Variants in NFIB observed in about 807,000 individuals in gnomAD.
NFIB encodes nuclear factor 1 B-type.
A neutral mutation model predicts 61.5 loss-of-function variants in NFIB; 11 were observed. The observed-to-expected ratio is 0.18, with a 90% CI of 0.11 to 0.30. The LOEUF is 0.30. Among genes scored for constraint, NFIB ranks in the 10% least tolerant of loss-of-function variants. The pLI, the probability that NFIB is intolerant of heterozygous loss-of-function variation, is 1.00. For missense variants in NFIB, 471 were observed against 608.9 expected (o/e 0.77, Z 2.38); for synonymous variants, 260 against 216.5 (o/e 1.20, Z -1.76).
the NFIB span, among the ~76,000 whole-genome samples, chr9:14,518,483 T>C: frequency 6.6e-6 from 1 of 151,706 alleles, no homozygotes; most frequent in African/African-American, 2.4e-5. Flanking sequence ...CCAGCTGTCA[T>C]CATAATCTAG....
the NFIB span, among the ~76,000 whole-genome samples, chr9:14,521,291 T>C: frequency 6.6e-6 from 1 of 152,210 alleles, no homozygotes; most frequent in African/African-American, 2.4e-5. Context: ...AGGTCAAATC[T>C]CTTTGATTTG....
intron 1 of NFIB, among the ~76,000 whole-genome samples, chr9:14,352,603 G>C (rs143300661): frequency 0.022 from 3,298 of 152,328 alleles, 46 homozygotes; most frequent in Non-Finnish European, 0.034. Context: ...AATTGGACAA[G>C]CAAGTGTTTC....
chr9:14,494,192 A>G, the NFIB span, among the ~76,000 whole-genome samples: 1 of 152,220 alleles, frequency 6.6e-6, no homozygotes, highest in African/African-American at 2.4e-5. Flanking sequence ...GTTTAAATTC[A>G]GCAAAAACTA....
At chr9:14,102,753 G>A (rs2035965773) in intron 10 of NFIB, among the ~76,000 whole-genome samples, 1 of 152,088 alleles carries the variant, frequency 6.6e-6, no homozygotes, top group Admixed American at 6.5e-5. Context: ...AGAGAAACAA[G>A]TGCTTAGAAC....
intron 2 of NFIB, among the ~76,000 whole-genome samples, chr9:14,234,567 A>C (rs2053546327): frequency 6.6e-6 from 1 of 151,898 alleles, no homozygotes; most frequent in Admixed American, 6.6e-5. Flanking sequence ...ACAGGGTTTC[A>C]CCATATTGAC....
At chr9:14,415,730 T>C in the NFIB span, among the ~76,000 whole-genome samples, 1 of 152,206 alleles carries the variant, frequency 6.6e-6, no homozygotes, top group Non-Finnish European at 1.5e-5. Context: ...CCATATGGAC[T>C]GTGGAAATGG....
At chr9:14,428,247 A>G in the NFIB span, among the ~76,000 whole-genome samples, 1 of 152,070 alleles carries the variant, frequency 6.6e-6, no homozygotes, top group Non-Finnish European at 1.5e-5. Context: ...TGCCTGGCCT[A>G]GCTTTTTCTT....
chr9:14,140,523 G>A (rs1266229582), intron 6 of NFIB, among the ~76,000 whole-genome samples: 1 of 152,126 alleles, frequency 6.6e-6, no homozygotes, highest in Non-Finnish European at 1.5e-5. Flanking sequence ...TAAATATTCT[G>A]CATATTCATT....
intron 2 of NFIB, among the ~76,000 whole-genome samples, chr9:14,184,642 G>C (rs1439766445): frequency 6.6e-6 from 1 of 152,104 alleles, no homozygotes; most frequent in Non-Finnish European, 1.5e-5. Context: ...TAACTTTCTG[G>C]AGTAGATACA....
intron 2 of NFIB, among the ~76,000 whole-genome samples, chr9:14,285,702 C>G (rs1422934781): frequency 1.3e-5 from 2 of 152,126 alleles, no homozygotes; most frequent in African/African-American, 4.8e-5. Flanking sequence ...AGGAGTCAAA[C>G]AGGTGACTTT....
chr9:14,243,405 G>C (rs1050902866), intron 2 of NFIB, among the ~76,000 whole-genome samples: 4 of 152,160 alleles, frequency 2.6e-5, no homozygotes, highest in African/African-American at 7.2e-5. Flanking sequence ...GGATAAGTAA[G>C]AGAAATAAAT....
At chr9:14,487,516 G>C in the NFIB span, among the ~76,000 whole-genome samples, 2 of 152,206 alleles carry the variant, frequency 1.3e-5, no homozygotes, top group South Asian at 2.1e-4. Flanking sequence ...AATGGCCATA[G>C]TGTGGGATGC....
chr9:14,497,619 C>A, the NFIB span, among the ~76,000 whole-genome samples: 2 of 152,154 alleles, frequency 1.3e-5, no homozygotes, highest in Admixed American at 6.5e-5. Flanking sequence ...TCATAAGGAC[C>A]CATTGAGGGA....
chr9:14,212,623 T>G (rs1041542552), intron 2 of NFIB, among the ~76,000 whole-genome samples: 4 of 140,496 alleles, frequency 2.8e-5, no homozygotes, highest in African/African-American at 1.2e-4. Flanking sequence ...CTCAAAAGGT[T>G]ATAATTCCTC....
chr9:14,316,568 G>A (rs1057383673), upstream of NFIB, among the ~76,000 whole-genome samples: 4 of 152,250 alleles, frequency 2.6e-5, no homozygotes, highest in African/African-American at 9.6e-5. Context: ...GAAAAGCTGG[G>A]ATAAAGTTGG....
intron 1 of NFIB, among the ~76,000 whole-genome samples, chr9:14,349,369 C>T (rs1258635998): frequency 6.6e-6 from 1 of 152,132 alleles, no homozygotes; most frequent in Non-Finnish European, 1.5e-5. Context: ...CAACGGAGCC[C>T]GCCCGACATT....
intron 1 of NFIB, among the ~76,000 whole-genome samples, chr9:14,378,451 G>A (rs1295064415): frequency 6.6e-6 from 1 of 152,162 alleles, no homozygotes; most frequent in Non-Finnish European, 1.5e-5. Flanking sequence ...CCGCCTCCCG[G>A]GTTCAAGCGA....
chr9:14,323,299 T>A (rs1408249338), intron 1 of NFIB, among the ~76,000 whole-genome samples: 1 of 152,192 alleles, frequency 6.6e-6, no homozygotes, highest in East Asian at 1.9e-4. Flanking sequence ...CTAGAGGAGA[T>A]TGGATAGTGA....
the NFIB span, among the ~76,000 whole-genome samples, chr9:14,423,486 A>G: frequency 6.6e-6 from 1 of 152,134 alleles, no homozygotes; most frequent in Admixed American, 6.5e-5. Context: ...TTTTTTACTT[A>G]GCGTGACATC....
Sources: gnomAD v4.1 joint callset for allele counts (sites outside exome capture counted in the v4.1 genomes callset) on GRCh38, gnomAD v4.1.1 for gene constraint, MANE v1.5 for transcripts, NCBI Gene and HGNC (gene_info 2026-07-23, HGNC 2026-07-21) for gene names.